Variants in WDR11 observed in about 807,000 individuals in gnomAD.
WDR11 encodes WD repeat domain 11, also known as WD repeat-containing protein 11.
WDR11 carries 83 observed loss-of-function variants against 151.2 expected under a neutral mutation model. The observed-to-expected ratio is 0.55, with a 90% CI of 0.46 to 0.66. The LOEUF is 0.66. Ranked by LOEUF, WDR11 falls within the 30% of genes least tolerant of loss-of-function variation. WDR11 has a pLI of 0.00. For synonymous variants in WDR11, 484 were observed against 533.1 expected (o/e 0.91, Z 1.27); for missense variants, 1,301 against 1,480.9 (o/e 0.88, Z 1.99).
intron 1 of WDR11, chr10:120,851,744 C>T: frequency 1.7e-6 from 1 of 596,058 alleles, no homozygotes; most frequent in Non-Finnish European, 3.0e-6. Flanking sequence ...TATTTCTCTG[C>T]TGTTTTCTCT....
chr10:120,901,027 T>C lies in WDR11; in HGVS notation c.2625-9T>C. The C allele has an allele frequency of 6.2e-7, 1 of 1,602,990 alleles. No individual in the cohort carries two copies. Among genetic ancestry groups the C allele is most frequent in the Non-Finnish European group, 8.5e-7 (1 of 1,170,100 alleles). ...GATAATGAACTCATTCAAAATTTTT[T>C]CTTTACAGTGACTATCCAGAAAATG... is the stretch of plus-strand genomic sequence containing the variant. On this transcript the variant is annotated splice_polypyrimidine_tract_variant and intron_variant, in intron 20 of 28. Transcript: ENST00000263461.
chr10:120,875,566 G>A lies in WDR11; in HGVS notation c.1556+1643G>A, dbSNP rs147606729. ...GTCACCCAGGCTAGAGTGCAATGGCGCGATCTCAGCTCACTACAATCTCCG... is the reference window on the plus strand; with the variant it reads ...GTCACCCAGGCTAGAGTGCAATGGCACGATCTCAGCTCACTACAATCTCCG... On this transcript the variant is annotated intron_variant, in intron 11 of 28. Coordinates refer to ENST00000263461, the MANE Select transcript of WDR11 (RefSeq NM_018117.12). Among the ~76,000 whole-genome samples, 584 of 152,220 alleles carry A rather than the reference G, an allele frequency of 3.8e-3. 3 individuals carry two copies. Among genetic ancestry groups the A allele is most frequent in the Non-Finnish European group, 5.6e-3 (382 of 68,006 alleles).
At chr10:120,860,640 CAAGTT>C (rs1448472066) in intron 4 of WDR11, among the ~76,000 whole-genome samples, 1 of 152,102 alleles carries the variant, frequency 6.6e-6, no homozygotes, top group East Asian at 1.9e-4. Flanking sequence ...AGTCTGTGGC[CAAGTT>C]AAGTTCTTGC....
chr10:120,901,014 A>G, intron 20 of WDR11, 22 bp from the exon 21 acceptor site: 1 of 1,554,210 alleles, frequency 6.4e-7, no homozygotes, highest in East Asian at 2.3e-5. Context: ...TAATGAACTC[A>G]TTCAAAATTT....
intron 15 of WDR11, among the ~76,000 whole-genome samples, 187 bp downstream of exon 15, chr10:120,886,125 A>G (rs934011237): frequency 2.6e-5 from 4 of 152,190 alleles, no homozygotes; most frequent in African/African-American, 9.7e-5. Context: ...GTATTGTACT[A>G]TACTGTTTGT....
chr10:120,888,657 A>G (rs1185128744), intron 16 of WDR11, among the ~76,000 whole-genome samples: 1 of 152,250 alleles, frequency 6.6e-6, no homozygotes, highest in African/African-American at 2.4e-5. Flanking sequence ...TAGAAAAATC[A>G]CGGCACAATT....
chr10:120,856,942 G>A (rs993689607), intron 2 of WDR11, among the ~76,000 whole-genome samples: 2 of 152,054 alleles, frequency 1.3e-5, no homozygotes, highest in Non-Finnish European at 2.9e-5. Flanking sequence ...TGAGGCTCTG[G>A]TCACAACATT....
chr10:120,852,668 TGTCTA>T (rs1341430349), intron 2 of WDR11, 33 bp downstream of exon 2: 8 of 1,565,714 alleles, frequency 5.1e-6, no homozygotes, highest in African/African-American at 4.1e-5. Flanking sequence ...GCTAACATGT[TGTCTA>T]GTCTAAAGTT....
intron 19 of WDR11, among the ~76,000 whole-genome samples, chr10:120,894,231 T>C (rs1434236321): frequency 5.3e-5 from 8 of 152,152 alleles, no homozygotes; most frequent in African/African-American, 1.9e-4. Context: ...GCTTTCTACA[T>C]ATGGCTAGCC....
intron 28 of WDR11, 112 bp from the exon 29 acceptor site, chr10:120,908,444 C>T: frequency 5.3e-6 from 6 of 1,128,838 alleles, no homozygotes; most frequent in Non-Finnish European, 8.0e-6. Flanking sequence ...GACACCAGGT[C>T]CCTTCCGAGC....
intron 19 of WDR11, among the ~76,000 whole-genome samples, chr10:120,893,257 A>G (rs901492143): frequency 1.3e-5 from 2 of 149,406 alleles, no homozygotes; most frequent in Non-Finnish European, 2.9e-5. Flanking sequence ...GAGTGAGAAC[A>G]TGCGGTGTTT....
chr10:120,865,671 T>C lies in WDR11; in HGVS notation c.921T>C (p.His307=). The C allele has an allele frequency of 6.2e-7, 1 of 1,611,120 alleles. No individual in the cohort carries two copies. The highest frequency in any genetic ancestry group is 1.1e-5 in the South Asian group (1 of 90,846). The change falls in exon 7 of 29, where the codon CAT becomes CAC. Residue 307 remains histidine (H), a synonymous_variant. Transcript: ENST00000263461. ...CFQRDGLFCL[H]ENGCITLRVR... The stretch of plus-strand genomic sequence containing the variant: ...AGCGTGATGGTTTATTTTGTCTACA[T>C]GAAAATGGTTGTATAACTTTACGTG...
Position 120,905,863 on chromosome 10 carries a change from G to T in WDR11, c.3292-13G>T. The T allele has an allele frequency of 1.2e-6, 2 of 1,614,138 alleles. No homozygotes were observed. The highest frequency in any genetic ancestry group is 1.7e-6 in the Non-Finnish European group (2 of 1,180,026). ...CAGGATGTTTTTGTTGTTAACACAG[G>T]CGTCTTTCTCAGGTCCGTTTGAATC... On this transcript the variant is annotated splice_polypyrimidine_tract_variant and intron_variant, in intron 26 of 28. Transcript: ENST00000263461.
At chr10:120,867,305 C>A (rs1846350734) in intron 9 of WDR11, 136 bp downstream of exon 9, 3 of 720,254 alleles carry the variant, frequency 4.2e-6, no homozygotes, top group Admixed American at 4.4e-5. Flanking sequence ...ATCATTCTTT[C>A]CTAAATAAAT....
intron 2 of WDR11, among the ~76,000 whole-genome samples, chr10:120,853,057 G>T (rs1043139510): frequency 7.7e-6 from 1 of 129,586 alleles, no homozygotes; most frequent in Non-Finnish European, 1.7e-5. Flanking sequence ...GAGAGTCACA[G>T]AAGTCTACAG....
intron 2 of WDR11, among the ~76,000 whole-genome samples, chr10:120,853,539 A>G (rs1845852205): frequency 6.6e-6 from 1 of 152,182 alleles, no homozygotes; most frequent in Non-Finnish European, 1.5e-5. Flanking sequence ...TGCTGGGATT[A>G]CAGGTGTGAG....
At chr10:120,857,465 C>T (rs1483148524) in intron 2 of WDR11, among the ~76,000 whole-genome samples, 1 of 152,146 alleles carries the variant, frequency 6.6e-6, no homozygotes, top group East Asian at 1.9e-4. Flanking sequence ...TATACATATT[C>T]TATTCATACA....
At chr10:120,861,878 G>A (rs1383908344) in intron 4 of WDR11, among the ~76,000 whole-genome samples, 1 of 152,130 alleles carries the variant, frequency 6.6e-6, no homozygotes, top group Non-Finnish European at 1.5e-5. Context: ...TGTACACTTA[G>A]TAAGTCACTG....
chr10:120,886,845 A>C lies in WDR11; in HGVS notation c.2121+9A>C, dbSNP rs1338299882. On this transcript the variant is annotated intron_variant, in intron 16 of 28. Transcript: ENST00000263461. ...CTCGGATTCCACCAGATGTGAGTACAACCTTGATTAAATCTTCATCAAGAA... is the reference window on the plus strand; with the variant it reads ...CTCGGATTCCACCAGATGTGAGTACCACCTTGATTAAATCTTCATCAAGAA... The C allele has an allele frequency of 1.2e-6, 2 of 1,613,940 alleles. No individual in the cohort carries two copies. The highest frequency in any genetic ancestry group is 1.1e-5 in the South Asian group (1 of 91,058).
Sources: gnomAD v4.1 joint callset for allele counts (sites outside exome capture counted in the v4.1 genomes callset) on GRCh38, gnomAD v4.1.1 for gene constraint, MANE v1.5 for transcripts, NCBI Gene and HGNC (gene_info 2026-07-23, HGNC 2026-07-21) for gene names.